CYFIP2: variants seen among roughly 807,000 people sequenced by gnomAD.
The protein encoded by CYFIP2 is cytoplasmic FMR1-interacting protein 2.
A neutral mutation model predicts 158.7 loss-of-function variants in CYFIP2; 29 were observed. The observed-to-expected ratio is 0.18, with a 90% CI of 0.14 to 0.25. CYFIP2 has a LOEUF of 0.25. CYFIP2 is among the 10% of genes least tolerant of loss of function. The probability of loss-of-function intolerance (pLI) is 1.00; values close to 1 mark genes in which losing one functional copy is unlikely to be tolerated. For synonymous variants in CYFIP2, 585 were observed against 617.6 expected (o/e 0.95, Z 0.78); for missense variants, 852 against 1,639.5 (o/e 0.52, Z 8.29).
chr5:157,367,752 T>C (rs1349119128), intron 26 of CYFIP2, among the ~76,000 whole-genome samples: 1 of 22,094 alleles, frequency 4.5e-5, no homozygotes, highest in East Asian at 3.5e-4. Flanking sequence ...CTCTGTTCAC[T>C]TTTTTTTTTT....
intron 13 of CYFIP2, among the ~76,000 whole-genome samples, chr5:157,318,338 ACTC>A: frequency 6.6e-6 from 1 of 151,822 alleles, no homozygotes; most frequent in Non-Finnish European, 1.5e-5. Flanking sequence ...AGGCCTGCCC[ACTC>A]CTCTGTATTT....
intron 9 of CYFIP2, among the ~76,000 whole-genome samples, chr5:157,308,255 C>T (rs148400840): frequency 0.019 from 2,883 of 151,688 alleles, 59 homozygotes; most frequent in Middle Eastern, 0.092. Flanking sequence ...AATCAGAGCT[C>T]GCAGAAGTAG....
chr5:157,324,164 G>A, intron 16 of CYFIP2, 90 bp downstream of exon 16: 1 of 1,434,720 alleles, frequency 7.0e-7, no homozygotes, highest in South Asian at 1.4e-5. Context: ...CATTGCAAAG[G>A]GACGTGACCG....
At chr5:157,330,167 C>T (rs1213401093) in intron 19 of CYFIP2, among the ~76,000 whole-genome samples, 1 of 152,032 alleles carries the variant, frequency 6.6e-6, no homozygotes, top group African/African-American at 2.4e-5. Context: ...CAAAGCACTT[C>T]TCCTCTGCAA....
chr5:157,386,391 T>A (rs530952202), intron 28 of CYFIP2, among the ~76,000 whole-genome samples: 1 of 150,038 alleles, frequency 6.7e-6, no homozygotes, highest in African/African-American at 2.4e-5. Context: ...ATAATTTTTT[T>A]TTTATTTTTA....
At chr5:157,335,276 T>C (rs1485288588) in intron 21 of CYFIP2, among the ~76,000 whole-genome samples, 1 of 152,262 alleles carries the variant, frequency 6.6e-6, no homozygotes, top group African/African-American at 2.4e-5. Flanking sequence ...TGTTTGTTTG[T>C]TTTTGTTTTG....
intron 26 of CYFIP2, chr5:157,365,048 A>G (rs971106644): frequency 3.9e-5 from 6 of 152,160 alleles, no homozygotes; most frequent in African/African-American, 1.4e-4. Context: ...TAAACCACAA[A>G]TAACTCTGCA....
chr5:157,289,191 T>G (rs967769380), intron 3 of CYFIP2, among the ~76,000 whole-genome samples: 1 of 152,192 alleles, frequency 6.6e-6, no homozygotes, highest in African/African-American at 2.4e-5. Flanking sequence ...TTTCTCCTGT[T>G]CCGTGCTGTC....
intron 2 of CYFIP2, 148 bp downstream of exon 2, chr5:157,285,626 C>T (rs1475667350): frequency 1.1e-5 from 7 of 662,926 alleles, no homozygotes; most frequent in African/African-American, 3.7e-5. Context: ...CTGGTAGAGC[C>T]GAGTATAAGG....
At position 157,311,771 on chromosome 5, in the gene CYFIP2, G is replaced by T; in HGVS notation, c.1100G>T (p.Ser367Ile). Residue 367 changes from serine to isoleucine, a missense_variant, in exon 11 of 31, where the codon AGC becomes ATC. Around this residue, in one of 8 missense-constraint regions of CYFIP2, gnomAD observed 133 missense variants for 197.1 expected, o/e 0.67. Coordinates refer to ENST00000620254, the MANE Select transcript of CYFIP2 (RefSeq NM_001037333.3). This position sits in a 1 kb window ranked among gnomAD's most constrained non-coding sequence, Gnocchi z 4.7. ...TTCATCTCCGAGCTCGCTCGCTACAGCAACAGTGAGGTGAGCATGCAGGCT... is the reference window on the plus strand; with the variant it reads ...TTCATCTCCGAGCTCGCTCGCTACATCAACAGTGAGGTGAGCATGCAGGCT... ...IRFISELARY[S>I]NSEVVTGSGL... The T allele has an allele frequency of 6.3e-7, 1 of 1,595,436 alleles. No homozygotes were observed. The highest frequency in any genetic ancestry group is 2.3e-5 in the East Asian group (1 of 43,958).
At chr5:157,287,332 T>G (rs1387041311) in intron 3 of CYFIP2, among the ~76,000 whole-genome samples, 1 of 152,246 alleles carries the variant, frequency 6.6e-6, no homozygotes. Context: ...CCTACTCAAC[T>G]GTTAGGGCCC....
chr5:157,364,751 T>A (rs1561769213), intron 26 of CYFIP2: 1 of 151,900 alleles, frequency 6.6e-6, no homozygotes, highest in Non-Finnish European at 1.5e-5. Context: ...CTTTCTGGAG[T>A]TTTTTTAGTT....
In CYFIP2 at chr5:157,360,018, T is replaced by C. The variant is rs116358200; in HGVS notation, c.2818-264T>C. 4.4e-3 allele frequency among the ~76,000 whole-genome samples: 663 copies of C among 152,382 alleles called. 2 individuals are homozygous for C. Among genetic ancestry groups the C allele is most frequent in the Non-Finnish European group, 7.4e-3 (506 of 68,036 alleles). ...CTGGCTCCATTTCATTTTAGCTCTT[T>C]GTCTGAATCTGCTATAAGCATCCTC... On this transcript the variant is annotated intron_variant, in intron 24 of 30. Coordinates refer to ENST00000620254, the MANE Select transcript of CYFIP2 (RefSeq NM_001037333.3).
At chr5:157,321,441 G>T (rs1484932071) in intron 15 of CYFIP2, among the ~76,000 whole-genome samples, 1 of 152,216 alleles carries the variant, frequency 6.6e-6, no homozygotes, top group Non-Finnish European at 1.5e-5. Context: ...TTGCCAGCCA[G>T]AGCTTCTGCA....
At chr5:157,286,956 A>G in intron 2 of CYFIP2, 63 bp from the exon 3 acceptor site, 2 of 1,359,340 alleles carry the variant, frequency 1.5e-6, no homozygotes, top group Non-Finnish European at 1.0e-6. Context: ...TGCCCTCTGG[A>G]CACCCAGCCA....
chr5:157,307,169 C>A (rs945838025), intron 8 of CYFIP2, among the ~76,000 whole-genome samples: 6 of 152,134 alleles, frequency 3.9e-5, no homozygotes, highest in African/African-American at 1.4e-4. Flanking sequence ...AAGTCACCAG[C>A]GGCTCCTTGG....
chr5:157,357,794 A>C (rs2113346018), intron 23 of CYFIP2, among the ~76,000 whole-genome samples: 1 of 152,202 alleles, frequency 6.6e-6, no homozygotes, highest in South Asian at 2.1e-4. Context: ...GCACCCCTGC[A>C]CTCTAGCCTG....
chr5:157,285,424 C>T lies in CYFIP2; in HGVS notation c.63C>T (p.Pro21=). Residue 21 remains proline (P), a synonymous_variant, in exon 2 of 31, where the codon CCC becomes CCT. Transcript: ENST00000620254. The part of the protein sequence containing the change: ...LSNVDLLEEL[P]LPDQQPCIEP... ...ACGTGGACCTGCTTGAAGAGCTTCC[C>T]CTCCCCGACCAGCAGCCATGCATCG... 6.3e-7 allele frequency: 1 copy of T among 1,582,518 alleles called. No homozygotes were observed. The highest frequency in any genetic ancestry group is 8.6e-7 in the Non-Finnish European group (1 of 1,164,774).
chr5:157,353,092 G>A (rs1013690538), intron 23 of CYFIP2, among the ~76,000 whole-genome samples: 1 of 152,232 alleles, frequency 6.6e-6, no homozygotes, highest in African/African-American at 2.4e-5. Flanking sequence ...GCTTCCAGAA[G>A]CCTGAGAGAA....
Sources: allele counts gnomAD v4.1 joint callset (sites outside exome capture counted in the v4.1 genomes callset), GRCh38; gene constraint gnomAD v4.1.1; regional missense constraint gnomAD v4.1.1; non-coding constraint Gnocchi (gnomAD v3.1); transcripts MANE v1.5; gene names NCBI Gene and HGNC (gene_info 2026-07-23, HGNC 2026-07-21).